Variants in ANKDD1B observed in about 807,000 individuals in gnomAD.
The protein encoded by ANKDD1B is ankyrin repeat and death domain-containing protein 1B.
ANKDD1B carries 57 observed loss-of-function variants against 59.7 expected under a neutral mutation model. That is an observed-to-expected ratio of 0.95 (90% CI 0.77 to 1.19). The LOEUF (loss-of-function observed/expected upper bound fraction) is 1.19. Ranked by LOEUF, ANKDD1B falls within the 50% of genes most tolerant of loss-of-function variation. The pLI, the probability that ANKDD1B is intolerant of heterozygous loss-of-function variation, is 0.00. For synonymous variants in ANKDD1B, 216 were observed against 239.5 expected, an observed-to-expected ratio of 0.90 and a Z score of 0.91; for missense variants, 602 against 641.9, an observed-to-expected ratio of 0.94 and a Z score of 0.67.
In ANKDD1B at chr5:75,624,475, C is replaced by G. The variant is rs191889235; in HGVS notation, c.397-1172C>G. ...TTTTCTCCTTATTTGGTAGACAAGT[C>G]AGCATACAACTGCCCACAGCATCCC... On this transcript the variant is annotated intron_variant, in intron 3 of 13. Coordinates refer to ENST00000601380, the MANE Select transcript of ANKDD1B (RefSeq NM_001276713.2). Among the ~76,000 whole-genome samples, 108 of 152,282 alleles carry G rather than the reference C, an allele frequency of 7.1e-4. 1 individual carries two copies. Among genetic ancestry groups the G allele is most frequent in the African/African-American group, 2.5e-3 (105 of 41,554 alleles).
At chr5:75,657,809 T>G (rs1775014622) in intron 9 of ANKDD1B, among the ~76,000 whole-genome samples, 1 of 151,536 alleles carries the variant, frequency 6.6e-6, no homozygotes, top group Admixed American at 6.6e-5. Context: ...GGCAGAAGAA[T>G]TGCTTGAACC....
At chr5:75,634,174 T>C (rs1581138420) in intron 5 of ANKDD1B, among the ~76,000 whole-genome samples, 1 of 152,202 alleles carries the variant, frequency 6.6e-6, no homozygotes, top group South Asian at 2.1e-4. Context: ...TTGATGACAT[T>C]TTGGCTATGG....
At chr5:75,653,037 G>A (rs989183477) in intron 7 of ANKDD1B, 105 bp from the exon 8 acceptor site, 10 of 776,022 alleles carry the variant, frequency 1.3e-5, no homozygotes, top group East Asian at 8.1e-5. Context: ...CACGACTGTA[G>A]TTGTACTATT....
chr5:75,643,951 T>C (rs1272417566), intron 7 of ANKDD1B, among the ~76,000 whole-genome samples: 1 of 34,758 alleles, frequency 2.9e-5, no homozygotes, highest in South Asian at 1.0e-3. Flanking sequence ...TTCAACATTC[T>C]TAAAGAAAAG....
At chr5:75,643,466 C>A (rs201439799) in intron 7 of ANKDD1B, among the ~76,000 whole-genome samples, 3,388 of 24,824 alleles carry the variant, frequency 0.14, 115 homozygotes, top group African/African-American at 0.16. Flanking sequence ...GCCTCAGGAG[C>A]TGATGCGATC....
At chr5:75,656,888 A>AAT (rs1445217511) in intron 9 of ANKDD1B, among the ~76,000 whole-genome samples, 3 of 152,188 alleles carry the variant, frequency 2.0e-5, no homozygotes, top group African/African-American at 7.2e-5. Context: ...TGCCTGTCCT[A>AAT]ATACACTGTG....
chr5:75,615,448 C>T (rs1773686845), intron 1 of ANKDD1B, among the ~76,000 whole-genome samples: 1 of 152,024 alleles, frequency 6.6e-6, no homozygotes, highest in Admixed American at 6.6e-5. Context: ...GAGAAGGATC[C>T]AGGTAATAGA....
At chr5:75,648,253 TAAAAAAAAAAAATTAAAAAAA>T (rs1774700342) in intron 7 of ANKDD1B, among the ~76,000 whole-genome samples, 1 of 37,294 alleles carries the variant, frequency 2.7e-5, no homozygotes, top group Non-Finnish European at 5.3e-5. Flanking sequence ...AAAGTATAAT[TAAAAAAAAAAAATTAAAAAAA>T]AAAAAAAAAG....
In ANKDD1B at chr5:75,634,906, A is replaced by G. The variant is rs762954265; in HGVS notation, c.609A>G (p.Arg203=). The change falls in exon 6 of 14, where the codon AGA becomes AGG. Residue 203 remains arginine, a synonymous_variant. Transcript: ENST00000601380. ...TTGTGATTGATTTTTAGAAAGGAAG[A>G]AAACCATTTCTTTTGGCAGCTGAGA... is the stretch of plus-strand genomic sequence containing the variant. ...KDLNQPDEKG[R]KPFLLAAERG... The G allele has an allele frequency of 2.0e-6, 3 of 1,532,278 alleles. No homozygotes were observed. In the South Asian group the frequency reaches 3.6e-5, roughly 18 times the overall value. The allele number at this position is 1,532,278 out of a possible 1,614,324, so 94.9% of individuals were successfully genotyped here.
chr5:75,626,744 G>A (rs1774004827), intron 5 of ANKDD1B, among the ~76,000 whole-genome samples: 1 of 151,922 alleles, frequency 6.6e-6, no homozygotes, highest in Admixed American at 6.6e-5. Context: ...GTCATGTCAG[G>A]GACTGTCCTT....
chr5:75,666,733 AAATAAGGT>A, intron 11 of ANKDD1B, 51 bp from the exon 12 acceptor site: 1 of 1,271,632 alleles, frequency 7.9e-7, no homozygotes, highest in Non-Finnish European at 1.1e-6. Flanking sequence ...ATATACTCTG[AAATAAGGT>A]AATAAGTAGA....
intron 11 of ANKDD1B, among the ~76,000 whole-genome samples, chr5:75,665,197 G>GGCAA (rs1327365188): frequency 1.3e-5 from 2 of 152,166 alleles, no homozygotes; most frequent in Non-Finnish European, 2.9e-5. Flanking sequence ...TGTTTTGGCA[G>GGCAA]GCAAGCTATT....
At chr5:75,618,757 T>A (rs1209069292) in intron 2 of ANKDD1B, among the ~76,000 whole-genome samples, 2 of 152,150 alleles carry the variant, frequency 1.3e-5, no homozygotes, top group African/African-American at 2.4e-5. Flanking sequence ...TTGTTTTGTT[T>A]TGTTTTGAGA....
chr5:75,659,395 C>G lies in ANKDD1B; in HGVS notation c.1095+14C>G. ...GCTGTTGACAAGGTAAGTGCATGGA[C>G]TTTACTCCATTCAGCTGAGATGGTT... On this transcript the variant is annotated intron_variant, in intron 10 of 13. Coordinates refer to ENST00000601380, the MANE Select transcript of ANKDD1B (RefSeq NM_001276713.2). 6.6e-7 allele frequency: 1 copy of G among 1,514,410 alleles called. No homozygotes were observed. 93.8% of individuals were successfully genotyped at this position (1,514,410 alleles called of 1,614,324 possible).
chr5:75,641,151 A>G (rs979160344), intron 7 of ANKDD1B, among the ~76,000 whole-genome samples: 1 of 152,208 alleles, frequency 6.6e-6, no homozygotes, highest in Admixed American at 6.5e-5. Context: ...TTGTGCTAAG[A>G]ACCTTTGAAA....
intron 3 of ANKDD1B, among the ~76,000 whole-genome samples, chr5:75,624,209 G>A (rs1401397238): frequency 2.0e-5 from 3 of 152,164 alleles, no homozygotes; most frequent in Admixed American, 1.3e-4. Flanking sequence ...TGCAGATAAG[G>A]AAGCTGAAGC....
Position 75,663,467 on chromosome 5 carries a change from A to G in ANKDD1B, c.1169A>G (p.Glu390Gly), listed in dbSNP as rs1005056159. The G allele has an allele frequency of 2.0e-6, 3 of 1,536,424 alleles. No individual in the cohort carries two copies. Among genetic ancestry groups the G allele is most frequent in the Non-Finnish European group, 1.7e-6 (2 of 1,146,934 alleles). The change falls in exon 11 of 14, where the codon GAG becomes GGG. Residue 390 changes from glutamate (E) to glycine (G), a missense_variant. Transcript: ENST00000601380. ...SLVVGMLIKA[E>G]RYYAWREEHH... is the part of the protein sequence containing the mutation. ...GTCGTGGGCATGCTCATTAAAGCAGAGAGATACTACGCCTGGAGAGAGGTA... is the reference window on the plus strand; with the variant it reads ...GTCGTGGGCATGCTCATTAAAGCAGGGAGATACTACGCCTGGAGAGAGGTA...
At chr5:75,623,413 C>T (rs1773908420) in intron 3 of ANKDD1B, among the ~76,000 whole-genome samples, 1 of 152,092 alleles carries the variant, frequency 6.6e-6, no homozygotes, top group South Asian at 2.1e-4. Context: ...ATATAGAGCG[C>T]TGACTTGTAG....
intron 3 of ANKDD1B, among the ~76,000 whole-genome samples, chr5:75,622,898 C>T (rs948179469): frequency 1.3e-5 from 2 of 152,130 alleles, no homozygotes; most frequent in African/African-American, 4.8e-5. Context: ...AATGGCTCCA[C>T]TCTGAGTTTG....
Sources: gnomAD v4.1 joint callset for allele counts (sites outside exome capture counted in the v4.1 genomes callset) on GRCh38, gnomAD v4.1.1 for gene constraint, MANE v1.5 for transcripts, NCBI Gene and HGNC (gene_info 2026-07-23, HGNC 2026-07-21) for gene names.